Variants in ANKRD28 observed in about 807,000 individuals in gnomAD.
The protein encoded by ANKRD28 is serine/threonine-protein phosphatase 6 regulatory ankyrin repeat subunit A.
A neutral mutation model predicts 126.5 loss-of-function variants in ANKRD28; 44 were observed. The ratio of observed to expected loss-of-function variants is 0.35; its 90% CI spans 0.27 to 0.45. The LOEUF (loss-of-function observed/expected upper bound fraction) is 0.45. ANKRD28 is among the 20% of genes least tolerant of loss of function. The pLI is 1.00. For synonymous variants in ANKRD28, 442 were observed against 468.5 expected (o/e 0.94, Z 0.73); for missense variants, 1,110 against 1,316.6 (o/e 0.84, Z 2.43).
intron 3 of ANKRD28, among the ~76,000 whole-genome samples, chr3:15,757,563 G>C (rs2058229479): frequency 6.6e-6 from 1 of 152,092 alleles, no homozygotes; most frequent in Non-Finnish European, 1.5e-5. Flanking sequence ...GAGGTAATTG[G>C]GTCATGAAGG....
At chr3:15,685,501 A>T (rs3817082) in intron 20 of ANKRD28, 56 bp from the exon 21 acceptor site, 1 of 1,521,318 alleles carries the variant, frequency 6.6e-7, no homozygotes, top group East Asian at 2.3e-5. Flanking sequence ...ATTACATGCC[A>T]ATTTCAGCTA....
chr3:15,770,007 C>T lies in ANKRD28; in HGVS notation c.202-3695G>A, dbSNP rs369277354. Among the ~76,000 whole-genome samples the T allele has an allele frequency of 2.2e-3, 338 of 150,254 alleles. 1 individual carries two copies. The highest frequency in any genetic ancestry group is 7.9e-3 in the African/African-American group (324 of 40,798). On this transcript the variant is annotated intron_variant, in intron 2 of 27. Transcript: ENST00000683139. The stretch of plus-strand genomic sequence containing the variant: ...ACACTGAACACCTGTCAGTGGACTC[C>T]ACATCCATTGAAAAAGCCTTGGTCT...
chr3:15,794,090 T>A (rs887281521), intron 2 of ANKRD28, among the ~76,000 whole-genome samples: 2 of 151,906 alleles, frequency 1.3e-5, no homozygotes, highest in African/African-American at 4.8e-5. Flanking sequence ...CATACATACA[T>A]ACATACATAA....
chr3:15,797,910 A>G lies in ANKRD28; in HGVS notation c.-1389T>C, dbSNP rs541709901. On this transcript the variant is annotated 5_prime_UTR_variant, in exon 1 of 28. Coordinates refer to ENST00000683139, the MANE Select transcript of ANKRD28 (RefSeq NM_001349278.2). Reference sequence around the variant, plus strand: ...GCATTCCAACGGAGCAACAGTCTGAAGAGCAAAGACTGCAGACCCACAGGA... The same window carrying G: ...GCATTCCAACGGAGCAACAGTCTGAGGAGCAAAGACTGCAGACCCACAGGA... 2 of 985,344 alleles carry G rather than the reference A, an allele frequency of 2.0e-6. No homozygotes were observed. Among genetic ancestry groups the G allele is most frequent in the African/African-American group, 3.5e-5 (2 of 57,230 alleles). 61.0% of individuals were successfully genotyped at this position (985,344 alleles called of 1,614,324 possible). A position where few individuals can be genotyped will look rare whatever the true frequency, so the allele number is the denominator to read the frequency against.
intron 6 of ANKRD28, among the ~76,000 whole-genome samples, chr3:15,734,694 C>A (rs1031290933): frequency 5.3e-5 from 8 of 152,316 alleles, no homozygotes; most frequent in Admixed American, 1.3e-4. Flanking sequence ...GATCTACCTT[C>A]CTCGGCAGTT....
At position 15,713,393 on chromosome 3, in the gene ANKRD28, C is replaced by CA; in HGVS notation, c.1190+133dup. 3 of 642,482 alleles carry CA rather than the reference C, an allele frequency of 4.7e-6. No individual in the cohort carries two copies. The South Asian group carries it at 6.1e-5, about 13-fold the overall frequency. 39.8% of individuals were successfully genotyped at this position (642,482 alleles called of 1,614,324 possible). On this transcript the variant is annotated intron_variant, in intron 10 of 27. Coordinates refer to ENST00000683139, the MANE Select transcript of ANKRD28 (RefSeq NM_001349278.2). ...ATTTTAACCTACCACTTTGTCAATA[C>CA]AAAAGAAAGTTCAAGCAATTAATAC... is the stretch of plus-strand genomic sequence containing the variant.
At chr3:15,744,139 A>C (rs1221683059) in intron 4 of ANKRD28, among the ~76,000 whole-genome samples, 1 of 152,222 alleles carries the variant, frequency 6.6e-6, no homozygotes, top group Non-Finnish European at 1.5e-5. Flanking sequence ...TACTCTTGAC[A>C]CTAATGACTA....
chr3:15,794,448 T>C (rs1200074280), intron 2 of ANKRD28, among the ~76,000 whole-genome samples: 3 of 152,174 alleles, frequency 2.0e-5, no homozygotes, highest in Admixed American at 2.0e-4. Flanking sequence ...GTGAATCATA[T>C]GACTTTTCAC....
At chr3:15,859,395 G>A (rs1217104699) in exon 1 of ANKRD28, 2 of 1,528,800 alleles carry the variant, frequency 1.3e-6, no homozygotes, top group Non-Finnish European at 1.8e-6. Flanking sequence ...GGAGTTTGAG[G>A]AACGCCATGG....
rs1052577111 is a variant in ANKRD28, at chr3:15,746,487, TTC to T, written c.351+5261_351+5262del. On this transcript the variant is annotated intron_variant, in intron 4 of 27. Transcript: ENST00000683139. ...ATGATCATGTGATATTTGTTTTTAA[TTC>T]TGTTTATGTGGTGTATCACATTTAC... Among the ~76,000 whole-genome samples the T allele has an allele frequency of 8.5e-5, 13 of 152,226 alleles. 1 individual carries two copies. Among genetic ancestry groups the T allele is most frequent in the Admixed American group, 3.3e-4 (5 of 15,286 alleles).
intron 1 of ANKRD28, among the ~76,000 whole-genome samples, chr3:15,848,852 G>C (rs1258377391): frequency 1.3e-5 from 2 of 152,126 alleles, no homozygotes; most frequent in African/African-American, 4.8e-5. Context: ...CACCGTACTG[G>C]AGGTTCTAGT....
chr3:15,838,905 C>T lies in ANKRD28; in HGVS notation c.27+20472G>A, dbSNP rs2125961759. On this transcript the variant is annotated intron_variant, in intron 1 of 27. Transcript: ENST00000399451. The surrounding 1 kb of genome is among the most constrained non-coding windows in gnomAD (Gnocchi z 4.0). ...ATGGATAAACAATATGTGATATATC[C>T]ATACAATGGAATACTATTCAGCAAC... Among the ~76,000 whole-genome samples the T allele has an allele frequency of 6.6e-6, 1 of 152,046 alleles. No individual in the cohort carries two copies. Among genetic ancestry groups the T allele is most frequent in the Non-Finnish European group, 1.5e-5 (1 of 68,016 alleles).
At chr3:15,721,460 T>C (rs2073719529) in intron 7 of ANKRD28, among the ~76,000 whole-genome samples, 1 of 152,208 alleles carries the variant, frequency 6.6e-6, no homozygotes. Context: ...GGATTTACTA[T>C]AGAATTAATT....
At chr3:15,684,464 G>A (rs2067879606) in intron 21 of ANKRD28, 1 of 152,072 alleles carries the variant, frequency 6.6e-6, no homozygotes, top group Non-Finnish European at 1.5e-5. Context: ...GGATATTACT[G>A]GTAATATAAG....
intron 18 of ANKRD28, among the ~76,000 whole-genome samples, chr3:15,687,674 T>C (rs535874202): frequency 6.6e-6 from 1 of 151,432 alleles, no homozygotes; most frequent in South Asian, 2.1e-4. Context: ...CTAATAGTTA[T>C]TAAACTTGTG....
intron 2 of ANKRD28, among the ~76,000 whole-genome samples, chr3:15,769,091 A>G (rs78680961): frequency 0.055 from 8,382 of 152,280 alleles, 665 homozygotes; most frequent in African/African-American, 0.17. Flanking sequence ...GATCAGATTT[A>G]GTCAAACTGA....
intron 14 of ANKRD28, among the ~76,000 whole-genome samples, chr3:15,706,112 C>T (rs1210657256): frequency 6.6e-6 from 1 of 151,192 alleles, no homozygotes; most frequent in Non-Finnish European, 1.5e-5. Flanking sequence ...TATTGTTATA[C>T]TTTGTTCTAG....
intron 3 of ANKRD28, among the ~76,000 whole-genome samples, chr3:15,763,016 C>T (rs1335583018): frequency 6.6e-6 from 1 of 152,194 alleles, no homozygotes; most frequent in African/African-American, 2.4e-5. Context: ...TAGTGTCTCT[C>T]ATGGCAACAC....
Position 15,697,780 on chromosome 3 carries a change from T to G in ANKRD28, c.1548-1535A>C, listed in dbSNP as rs957523238. Among the ~76,000 whole-genome samples, 9 of 152,190 alleles carry G rather than the reference T, an allele frequency of 5.9e-5. No homozygotes were observed. The East Asian group carries it at 1.5e-3, about 26-fold the overall frequency. On this transcript the variant is annotated intron_variant, in intron 14 of 27. Transcript: ENST00000683139. ...TAGGGAGGATTCCCTCTTTTTCTAT[T>G]GTTTGGAATAGTTTCAGAAGGAATG...
Sources: allele counts gnomAD v4.1 joint callset (sites outside exome capture counted in the v4.1 genomes callset), GRCh38; gene constraint gnomAD v4.1.1; non-coding constraint Gnocchi (gnomAD v3.1); transcripts MANE v1.5; gene names NCBI Gene and HGNC (gene_info 2026-07-23, HGNC 2026-07-21).